The following P2RY14 variants were observed in gnomAD, a reference collection of about 807,000 sequenced individuals.
P2RY14 encodes purinergic receptor P2Y14, also known as P2Y purinoceptor 14.
P2RY14 carries 2 observed loss-of-function variants against 0.9 expected under a neutral mutation model. The observed-to-expected ratio is 2.16, with a 90% CI of 0.88 to 6.79. The LOEUF (loss-of-function observed/expected upper bound fraction) is 6.79, where lower values mean the gene tolerates loss of function less well. Among genes scored for constraint, P2RY14 ranks in the 30% most tolerant of loss-of-function variants. P2RY14 has a pLI of 0.05. For missense variants in P2RY14, 378 were observed against 400.1 expected, an observed-to-expected ratio of 0.94 and a Z score of 0.47; for synonymous variants, 158 against 147.2, an observed-to-expected ratio of 1.07 and a Z score of -0.53.
chr3:151,233,625 C>G (rs572830995), intron 1 of P2RY14, among the ~76,000 whole-genome samples: 3 of 152,200 alleles, frequency 2.0e-5, no homozygotes, highest in African/African-American at 4.8e-5. Context: ...CCCAGCTACT[C>G]GGGAGGCTGA....
intron 1 of P2RY14, among the ~76,000 whole-genome samples, chr3:151,268,259 A>G (rs1034391546): frequency 3.3e-5 from 5 of 151,848 alleles, no homozygotes; most frequent in Admixed American, 6.6e-5. Context: ...TTACTTATAT[A>G]TATATATAAG....
At chr3:151,246,099 C>T (rs1315024340) in intron 1 of P2RY14, among the ~76,000 whole-genome samples, 1 of 151,792 alleles carries the variant, frequency 6.6e-6, no homozygotes, top group Non-Finnish European at 1.5e-5. Flanking sequence ...AACTACAAAC[C>T]ACTGCTCAAG....
chr3:151,257,256 A>G (rs925605056), intron 1 of P2RY14, among the ~76,000 whole-genome samples: 8 of 152,240 alleles, frequency 5.3e-5, no homozygotes, highest in African/African-American at 1.4e-4. Flanking sequence ...ACTGTATGCC[A>G]GTTGGCATGT....
In P2RY14 at chr3:151,212,128, C is replaced by G. The variant is rs147443940; in HGVS notation, c.*1172G>C. On this transcript the variant is annotated 3_prime_UTR_variant, in exon 3 of 3. Coordinates refer to ENST00000309170, the MANE Select transcript of P2RY14 (RefSeq NM_014879.4). ...TAAGAAAAAATAGACAGTATTAAAA[C>G]ATTTCTTTATTAGTATATAGACAGT... 2.8e-4 allele frequency: 43 copies of G among 152,250 alleles called. No homozygotes were observed. Among genetic ancestry groups the G allele is most frequent in the African/African-American group, 9.9e-4 (41 of 41,560 alleles). The allele number at this position is 152,250 out of a possible 1,614,324, so 9.4% of individuals were successfully genotyped here.
intron 1 of P2RY14, among the ~76,000 whole-genome samples, chr3:151,221,302 A>G (rs970947182): frequency 3.3e-5 from 5 of 152,242 alleles, no homozygotes; most frequent in African/African-American, 1.2e-4. Flanking sequence ...AATGCAATAG[A>G]AAAGAAAATC....
In P2RY14 at chr3:151,212,470, G is replaced by T. The variant is rs996856043; in HGVS notation, c.*830C>A. Reference sequence around the variant, plus strand: ...CCAGTAGATTAATATATGTTCTACGGTGTGGGTGTGTCTTTTTCCCAGTCA... The same window carrying T: ...CCAGTAGATTAATATATGTTCTACGTTGTGGGTGTGTCTTTTTCCCAGTCA... On this transcript the variant is annotated 3_prime_UTR_variant, in exon 3 of 3. Transcript: ENST00000309170. 1.3e-5 allele frequency: 2 copies of T among 152,038 alleles called. No individual in the cohort carries two copies. The highest frequency in any genetic ancestry group is 4.8e-5 in the African/African-American group (2 of 41,370). The allele number at this position is 152,038 out of a possible 1,614,324, so 9.4% of individuals were successfully genotyped here.
intron 1 of P2RY14, among the ~76,000 whole-genome samples, chr3:151,240,836 G>A (rs887256563): frequency 5.3e-5 from 8 of 152,222 alleles, no homozygotes; most frequent in African/African-American, 1.9e-4. Flanking sequence ...AGGAGTGATA[G>A]GTGAAAGGGT....
chr3:151,228,060 G>C (rs1049154320), intron 1 of P2RY14, among the ~76,000 whole-genome samples: 6 of 152,218 alleles, frequency 3.9e-5, no homozygotes, highest in African/African-American at 1.4e-4. Flanking sequence ...GTTGGGGTCA[G>C]ACCTTAACTG....
At chr3:151,233,832 C>T (rs1282665222) in intron 1 of P2RY14, among the ~76,000 whole-genome samples, 1 of 152,246 alleles carries the variant, frequency 6.6e-6, no homozygotes, top group Non-Finnish European at 1.5e-5. Flanking sequence ...CGCCTTTCTC[C>T]GCCTTGTGGT....
intron 1 of P2RY14, among the ~76,000 whole-genome samples, chr3:151,275,593 G>C (rs1251414359): frequency 6.6e-6 from 1 of 151,994 alleles, no homozygotes; most frequent in Non-Finnish European, 1.5e-5. Flanking sequence ...TGGTAAACTT[G>C]GTGTTTCGGT....
chr3:151,218,016 C>T (rs147089591), intron 2 of P2RY14, among the ~76,000 whole-genome samples: 42 of 152,266 alleles, frequency 2.8e-4, no homozygotes, highest in Admixed American at 2.7e-3. Flanking sequence ...AGACATGCAT[C>T]ATTTGGACCT....
intron 1 of P2RY14, among the ~76,000 whole-genome samples, chr3:151,264,633 G>A (rs1739492422): frequency 6.6e-6 from 1 of 152,168 alleles, no homozygotes; most frequent in Admixed American, 6.5e-5. Context: ...AAACTGCTCT[G>A]TCATAATCAA....
intron 2 of P2RY14, among the ~76,000 whole-genome samples, chr3:151,216,358 A>C (rs1044565669): frequency 6.6e-6 from 1 of 152,206 alleles, no homozygotes; most frequent in Non-Finnish European, 1.5e-5. Context: ...AGCACAGTGC[A>C]TATCACAGTG....
At chr3:151,256,614 AAC>A (rs34062533) in intron 1 of P2RY14, among the ~76,000 whole-genome samples, 45,857 of 151,988 alleles carry the variant, frequency 0.3, 7,124 homozygotes, top group East Asian at 0.48. Context: ...CAGAAATCAC[AAC>A]AGACTGCTGT....
rs139970989 is a variant in P2RY14, at chr3:151,214,032, C to A, written c.285G>T (p.Arg95Ser). The change falls in exon 3 of 3, where the codon AGG becomes AGT. Residue 95 changes from arginine to serine, a missense_variant. By Grantham distance (110) the Arg-to-Ser change is moderately radical. Transcript: ENST00000309170. Reference sequence around the variant, plus strand: ...TGACGTAGAAGAGCACGGCAGAGACCCTGCACACAAACACGTTCAGCTGCC... The same window carrying A: ...TGACGTAGAAGAGCACGGCAGAGACACTGCACACAAACACGTTCAGCTGCC... ...GPWQLNVFVC[R>S]VSAVLFYVNM... 2.1e-5 allele frequency: 34 copies of A among 1,614,048 alleles called. No individual in the cohort carries two copies. In the African/African-American group the frequency reaches 4.1e-4, roughly 20 times the overall value.
intron 1 of P2RY14, among the ~76,000 whole-genome samples, chr3:151,244,751 A>T (rs1310887678): frequency 6.6e-6 from 1 of 152,128 alleles, no homozygotes; most frequent in Non-Finnish European, 1.5e-5. Flanking sequence ...AGCAGAAGGC[A>T]AGAAATAACT....
chr3:151,218,667 G>A (rs1485699673), intron 2 of P2RY14, among the ~76,000 whole-genome samples: 1 of 151,870 alleles, frequency 6.6e-6, no homozygotes, highest in African/African-American at 2.4e-5. Context: ...AGGAGATTGA[G>A]ACCAGCCTGG....
chr3:151,233,884 A>G (rs1732221003), intron 1 of P2RY14, among the ~76,000 whole-genome samples: 1 of 152,214 alleles, frequency 6.6e-6, no homozygotes, highest in African/African-American at 2.4e-5. Flanking sequence ...CCTCCCTTTT[A>G]AAACTAATGA....
chr3:151,233,949 A>G (rs1732230517), intron 1 of P2RY14, among the ~76,000 whole-genome samples: 1 of 152,210 alleles, frequency 6.6e-6, no homozygotes, highest in Non-Finnish European at 1.5e-5. Context: ...GCTATATGTA[A>G]TCTTTTAGGA....
Sources: allele counts gnomAD v4.1 joint callset (sites outside exome capture counted in the v4.1 genomes callset), GRCh38; gene constraint gnomAD v4.1.1; transcripts MANE v1.5; gene names NCBI Gene and HGNC (gene_info 2026-07-23, HGNC 2026-07-21).